MAST4: variants seen among roughly 807,000 people sequenced by gnomAD.
MAST4 encodes microtubule-associated serine/threonine-protein kinase 4.
MAST4 carries 89 observed loss-of-function variants against 162.7 expected under a neutral mutation model. The ratio of observed to expected loss-of-function variants is 0.55; its 90% CI spans 0.46 to 0.65. The LOEUF is 0.65. Ranked by LOEUF, MAST4 falls within the 30% of genes least tolerant of loss-of-function variation. MAST4 has a pLI of 0.00. For missense variants in MAST4, 3,153 were observed against 3,374.0 expected, an observed-to-expected ratio of 0.93 and a Z score of 1.62; for synonymous variants, 1,479 against 1,361.1, an observed-to-expected ratio of 1.09 and a Z score of -1.91.
At chr5:67,021,379 A>T (rs1365978252) in intron 4 of MAST4, among the ~76,000 whole-genome samples, 1 of 152,194 alleles carries the variant, frequency 6.6e-6, no homozygotes, top group Non-Finnish European at 1.5e-5. Flanking sequence ...TTTAGCTTAG[A>T]TTATTTCTCA....
chr5:66,718,426 T>C (rs1023881931), intron 1 of MAST4, among the ~76,000 whole-genome samples: 3 of 151,980 alleles, frequency 2.0e-5, no homozygotes, highest in Admixed American at 2.0e-4. Context: ...ACCCCATGAG[T>C]GCCTGGGCCA....
chr5:66,676,106 C>G (rs1380080244), intron 1 of MAST4, among the ~76,000 whole-genome samples: 1 of 152,110 alleles, frequency 6.6e-6, no homozygotes, highest in Non-Finnish European at 1.5e-5. Context: ...GACTAAAATG[C>G]AAGTGGATAT....
At chr5:67,041,116 A>C (rs1045251692) in intron 4 of MAST4, among the ~76,000 whole-genome samples, 1 of 152,212 alleles carries the variant, frequency 6.6e-6, no homozygotes, top group East Asian at 1.9e-4. Context: ...CATGAAGCTA[A>C]TAAGAAGGTT....
chr5:67,071,195 C>T (rs1201626818), intron 5 of MAST4, among the ~76,000 whole-genome samples: 1 of 152,090 alleles, frequency 6.6e-6, no homozygotes, highest in African/African-American at 2.4e-5. Context: ...AGTCTTGTGG[C>T]TTTTAAATTT....
chr5:66,911,548 A>G (rs1763761090), intron 4 of MAST4, among the ~76,000 whole-genome samples: 1 of 88,854 alleles, frequency 1.1e-5, no homozygotes, highest in African/African-American at 4.7e-5. Context: ...CAAACAAACA[A>G]ACAACAACAA....
At chr5:67,136,479 C>A in intron 18 of MAST4, 84 bp from the exon 19 acceptor site, 3 of 1,038,588 alleles carry the variant, frequency 2.9e-6, no homozygotes, top group Non-Finnish European at 4.4e-6. Flanking sequence ...GCCTTTCTGA[C>A]AAATTCCCAG....
At chr5:66,953,780 G>C (rs1281316790) in intron 4 of MAST4, among the ~76,000 whole-genome samples, 1 of 152,154 alleles carries the variant, frequency 6.6e-6, no homozygotes, top group African/African-American at 2.4e-5. Flanking sequence ...TTCTAGAATA[G>C]CACTTTTGAT....
intron 1 of MAST4, among the ~76,000 whole-genome samples, chr5:66,659,826 GGGA>G (rs1746789135): frequency 6.6e-6 from 1 of 152,210 alleles, no homozygotes. Flanking sequence ...ACATACTGAG[GGGA>G]TGACCTCACA....
intron 1 of MAST4, among the ~76,000 whole-genome samples, chr5:66,631,555 G>A (rs553783687): frequency 7.9e-5 from 12 of 152,206 alleles, no homozygotes; most frequent in South Asian, 2.1e-4. Context: ...GAATCATTAC[G>A]TAATGCCTTT....
chr5:66,955,412 G>A (rs559173086), intron 4 of MAST4, among the ~76,000 whole-genome samples: 4 of 152,078 alleles, frequency 2.6e-5, no homozygotes, highest in Non-Finnish European at 5.9e-5. Flanking sequence ...GAGTGTCAGG[G>A]AGGGAGCTGT....
chr5:67,062,402 A>T (rs1759740279), intron 5 of MAST4, among the ~76,000 whole-genome samples: 1 of 152,182 alleles, frequency 6.6e-6, no homozygotes, highest in African/African-American at 2.4e-5. Context: ...TCCCCAAAAA[A>T]AAAAATGTGA....
chr5:67,092,259 C>CT (rs1325772731), intron 6 of MAST4, among the ~76,000 whole-genome samples: 1 of 152,160 alleles, frequency 6.6e-6, no homozygotes, highest in Admixed American at 6.5e-5. Context: ...AAAAGTCTGG[C>CT]TTATTAATCT....
intron 1 of MAST4, among the ~76,000 whole-genome samples, chr5:66,675,343 T>A (rs1747875860): frequency 6.6e-6 from 1 of 152,174 alleles, no homozygotes; most frequent in African/African-American, 2.4e-5. Context: ...ACGGCAAACC[T>A]TCACTGCAGT....
At chr5:66,864,996 G>A (rs1760400644) in intron 3 of MAST4, among the ~76,000 whole-genome samples, 1 of 152,140 alleles carries the variant, frequency 6.6e-6, no homozygotes, top group Non-Finnish European at 1.5e-5. Flanking sequence ...TTAGACATGG[G>A]GCAGTGCTAG....
intron 4 of MAST4, among the ~76,000 whole-genome samples, chr5:66,927,750 G>T (rs151291206): frequency 6.6e-6 from 1 of 152,186 alleles, no homozygotes; most frequent in Non-Finnish European, 1.5e-5. Context: ...TCCTAGGGTT[G>T]CCATGACAAA....
At chr5:67,059,799 A>G (rs76551303) in intron 5 of MAST4, among the ~76,000 whole-genome samples, 1 of 152,242 alleles carries the variant, frequency 6.6e-6, no homozygotes, top group East Asian at 1.9e-4. Flanking sequence ...ATCTCTGTCT[A>G]TGTGTATATA....
Position 67,163,251 on chromosome 5 carries a change from C to T in MAST4, c.4072C>T (p.Leu1358Phe). The T allele has an allele frequency of 6.2e-7, 1 of 1,613,744 alleles. No individual in the cohort carries two copies. The highest frequency in any genetic ancestry group is 8.5e-7 in the Non-Finnish European group (1 of 1,179,892). The change falls in exon 29 of 29, where the codon CTC becomes TTC. Residue 1358 changes from leucine to phenylalanine, a missense_variant. Leu to Phe is a conservative substitution (Grantham distance 22). Coordinates refer to ENST00000403625, the MANE Select transcript of MAST4 (RefSeq NM_001164664.2). The surrounding 1 kb of genome is among the most constrained non-coding windows in gnomAD (Gnocchi z 7.0). Reference sequence around the variant, plus strand: ...CACTCTCCACGGTCTTGCACCCAAACTCGGCGGGCAGCGGTACCGGTCCGG... The same window carrying T: ...CACTCTCCACGGTCTTGCACCCAAATTCGGCGGGCAGCGGTACCGGTCCGG... ...PSTLHGLAPK[L>F]GGQRYRSGRR...
chr5:67,134,015 C>T (rs1170047025), intron 17 of MAST4, among the ~76,000 whole-genome samples: 1 of 152,132 alleles, frequency 6.6e-6, no homozygotes, highest in Non-Finnish European at 1.5e-5. Flanking sequence ...ATCCAAGCCA[C>T]GGCCCATTTC....
At chr5:66,863,289 C>T (rs1366585213) in intron 3 of MAST4, among the ~76,000 whole-genome samples, 1 of 152,190 alleles carries the variant, frequency 6.6e-6, no homozygotes, top group Non-Finnish European at 1.5e-5. Flanking sequence ...CTTGTCCCAT[C>T]AGACACATAG....
Sources: gnomAD v4.1 joint callset for allele counts (sites outside exome capture counted in the v4.1 genomes callset) on GRCh38, gnomAD v4.1.1 for gene constraint, Gnocchi (gnomAD v3.1) non-coding constraint, MANE v1.5 for transcripts, NCBI Gene and HGNC (gene_info 2026-07-23, HGNC 2026-07-21) for gene names.